WT1: variants seen among roughly 807,000 people sequenced by gnomAD.
WT1 encodes Wilms tumor protein.
In WT1, 8 loss-of-function variants were observed where a neutral mutation model predicts 60.8. That is an observed-to-expected ratio of 0.13 (90% CI 0.08 to 0.24). The LOEUF is 0.24. WT1 is among the 10% of genes least tolerant of loss of function. The pLI is 1.00. For missense variants in WT1, 568 were observed against 711.8 expected (o/e 0.80, Z 2.30); for synonymous variants, 312 against 297.1 (o/e 1.05, Z -0.52).
chr11:32,403,758 G>A (rs948577146), intron 5 of WT1, among the ~76,000 whole-genome samples: 1 of 151,720 alleles, frequency 6.6e-6, no homozygotes, highest in Non-Finnish European at 1.5e-5. Context: ...TGTAGTTTTA[G>A]TAGAGACGGG....
chr11:32,401,147 C>T (rs887172100), intron 5 of WT1, among the ~76,000 whole-genome samples: 22 of 152,172 alleles, frequency 1.4e-4, no homozygotes, highest in Admixed American at 5.2e-4. Context: ...AGAGTATCTT[C>T]ATACAATGGA....
intron 5 of WT1, among the ~76,000 whole-genome samples, chr11:32,409,794 TTCTGGCTA>T (rs1281340027): frequency 6.6e-6 from 1 of 152,130 alleles, no homozygotes; most frequent in African/African-American, 2.4e-5. Context: ...CTATCCCAGC[TTCTGGCTA>T]AAGCCAGCCC....
chr11:32,428,702 G>C (rs900184082), intron 1 of WT1, 83 bp from the exon 2 acceptor site: 4 of 1,554,780 alleles, frequency 2.6e-6, no homozygotes, highest in Non-Finnish European at 3.5e-6. Flanking sequence ...CACGGGCGGG[G>C]GGGGTGTGCG....
At chr11:32,414,033 A>G (rs950804444) in intron 5 of WT1, among the ~76,000 whole-genome samples, 1 of 152,222 alleles carries the variant, frequency 6.6e-6, no homozygotes, top group African/African-American at 2.4e-5. Context: ...CACGGCACCC[A>G]ATACTGTTTA....
chr11:32,417,750 T>A, intron 3 of WT1, 96 bp from the exon 4 acceptor site: 1 of 1,035,318 alleles, frequency 9.7e-7, no homozygotes, highest in Non-Finnish European at 1.5e-6. Flanking sequence ...TTCTTGAAAG[T>A]GCAAGCCTCC....
intron 7 of WT1, among the ~76,000 whole-genome samples, chr11:32,395,903 C>T (rs1340526141): frequency 6.6e-6 from 1 of 152,170 alleles, no homozygotes; most frequent in Non-Finnish European, 1.5e-5. Context: ...TGCCCATCGA[C>T]CTCCTAAAAC....
At chr11:32,393,690 C>G (rs1485326085) in intron 7 of WT1, among the ~76,000 whole-genome samples, 1 of 152,204 alleles carries the variant, frequency 6.6e-6, no homozygotes, top group Non-Finnish European at 1.5e-5. Flanking sequence ...CACTAAATGT[C>G]CCCCATCCCT....
chr11:32,402,684 T>G (rs1288996968), intron 5 of WT1, among the ~76,000 whole-genome samples: 1 of 152,244 alleles, frequency 6.6e-6, no homozygotes, highest in African/African-American at 2.4e-5. Context: ...GAGCTAGGAC[T>G]ATAGGTGCCC....
intron 7 of WT1, among the ~76,000 whole-genome samples, chr11:32,395,442 T>C (rs990940836): frequency 1.3e-5 from 2 of 151,754 alleles, no homozygotes; most frequent in Non-Finnish European, 2.9e-5. Context: ...CATTGGCGTA[T>C]CTTCAAAGAT....
chr11:32,410,132 C>T (rs545835913), intron 5 of WT1, among the ~76,000 whole-genome samples: 211 of 151,986 alleles, frequency 1.4e-3, no homozygotes, highest in African/African-American at 4.7e-3. Flanking sequence ...GGTTTCGCCA[C>T]GTTGGCCAGG....
chr11:32,432,784 G>A (rs573434159), intron 1 of WT1, among the ~76,000 whole-genome samples: 4 of 152,194 alleles, frequency 2.6e-5, no homozygotes, highest in Non-Finnish European at 4.4e-5. Flanking sequence ...CACCAGACCT[G>A]CCCTGAAAAG....
At chr11:32,431,422 A>C (rs1345730396) in intron 1 of WT1, among the ~76,000 whole-genome samples, 4 of 145,900 alleles carry the variant, frequency 2.7e-5, no homozygotes, top group Admixed American at 2.7e-4. Context: ...TCAGTGGACT[A>C]GCAGGCAACC....
intron 6 of WT1, among the ~76,000 whole-genome samples, chr11:32,399,443 A>G (rs766292042): frequency 2.0e-5 from 3 of 152,228 alleles, no homozygotes; most frequent in Non-Finnish European, 4.4e-5. Context: ...AATGGTACTA[A>G]TAGGGTAAAG....
intron 1 of WT1, chr11:32,430,752 G>T: frequency 1.5e-6 from 2 of 1,341,214 alleles, no homozygotes; most frequent in East Asian, 2.7e-5. Context: ...AGACCTCGGC[G>T]GGCAAAGACC....
chr11:32,429,041 C>G (rs1283907534), intron 1 of WT1: 3 of 309,324 alleles, frequency 9.7e-6, no homozygotes, highest in African/African-American at 6.5e-5. Context: ...CTGGGCTAAC[C>G]CCGCGTTGAC....
intron 1 of WT1, chr11:32,430,434 G>C (rs559800228): frequency 9.7e-4 from 531 of 547,568 alleles, no homozygotes; most frequent in Non-Finnish European, 1.1e-3. Flanking sequence ...GACAGACACA[G>C]AGAGAGAGAG....
intron 5 of WT1, among the ~76,000 whole-genome samples, chr11:32,407,969 T>C (rs1042511134): frequency 1.3e-5 from 2 of 152,172 alleles, no homozygotes; most frequent in Non-Finnish European, 2.9e-5. Context: ...ATGCCTGTAA[T>C]CCCAGCACTA....
chr11:32,418,357 G>A (rs1186458874), intron 3 of WT1, among the ~76,000 whole-genome samples: 1 of 151,870 alleles, frequency 6.6e-6, no homozygotes. Flanking sequence ...ACAAAAAGCT[G>A]TTCTGTCCCC....
chr11:32,392,876 G>A (rs766124690), intron 7 of WT1, 121 bp from the exon 8 acceptor site: 2 of 809,626 alleles, frequency 2.5e-6, no homozygotes, highest in Non-Finnish European at 4.1e-6. Context: ...GCTGGAGCTT[G>A]TTAGGGTAGG....
Sources: gnomAD v4.1 joint callset for allele counts (sites outside exome capture counted in the v4.1 genomes callset) on GRCh38, gnomAD v4.1.1 for gene constraint, MANE v1.5 for transcripts, NCBI Gene and HGNC (gene_info 2026-07-23, HGNC 2026-07-21) for gene names.